KLF8: variants seen among roughly 807,000 people sequenced by gnomAD.
KLF8 encodes the protein KLF transcription factor 8.
A neutral mutation model predicts 18.2 loss-of-function variants in KLF8; 10 were observed. The ratio of observed to expected loss-of-function variants is 0.55; its 90% CI spans 0.34 to 0.93. The LOEUF (loss-of-function observed/expected upper bound fraction) is 0.93, where lower values mean the gene tolerates loss of function less well. KLF8 is among the 40% of genes least tolerant of loss of function. KLF8 has a pLI of 0.02. For synonymous variants in KLF8, 109 were observed against 97.3 expected (o/e 1.12, Z -0.71); for missense variants, 264 against 277.9 (o/e 0.95, Z 0.36).
chrX:56,261,467 G>T (rs2066882109), intron 2 of KLF8, among the ~76,000 whole-genome samples: 2 of 111,692 alleles, frequency 1.8e-5, no homozygotes, highest in African/African-American at 6.5e-5. Flanking sequence ...TACTTTAAAA[G>T]AAAAATCTGA....
the KLF8 span, among the ~76,000 whole-genome samples, chrX:56,114,809 A>G: frequency 8.9e-6 from 1 of 112,689 alleles, no homozygotes; most frequent in Non-Finnish European, 1.9e-5. Context: ...AAAAAGCATT[A>G]CAATTTTATA....
At chrX:56,017,923 A>C in the KLF8 span, among the ~76,000 whole-genome samples, 3 of 111,622 alleles carry the variant, frequency 2.7e-5, no homozygotes, top group Admixed American at 2.9e-4. Context: ...ATGGATACAT[A>C]GTAGTTGTAC....
chrX:56,059,715 A>G, the KLF8 span, among the ~76,000 whole-genome samples: 130 of 111,021 alleles, frequency 1.2e-3, no homozygotes, highest in Non-Finnish European at 2.0e-3. Flanking sequence ...TGGTCTATAT[A>G]TCTGTTTTGG....
chrX:56,223,558 A>G, the KLF8 span, among the ~76,000 whole-genome samples: 1 of 112,709 alleles, frequency 8.9e-6, no homozygotes, highest in Non-Finnish European at 1.9e-5. Flanking sequence ...GCAAATATTT[A>G]TTGAGCAACT....
the KLF8 span, among the ~76,000 whole-genome samples, chrX:56,171,203 C>G: frequency 1.8e-5 from 2 of 111,348 alleles, no homozygotes; most frequent in Non-Finnish European, 3.8e-5. Context: ...AAACTAATAA[C>G]TACAATAACT....
chrX:56,108,158 T>C, the KLF8 span, among the ~76,000 whole-genome samples: 1 of 111,803 alleles, frequency 8.9e-6, no homozygotes, highest in Non-Finnish European at 1.9e-5. Flanking sequence ...CAGATATAAA[T>C]AGTTTTACTT....
At chrX:56,078,096 G>C in the KLF8 span, among the ~76,000 whole-genome samples, 1 of 110,673 alleles carries the variant, frequency 9.0e-6, no homozygotes, top group Non-Finnish European at 1.9e-5. Context: ...AACATGGACT[G>C]TTTGACTTCC....
At chrX:56,170,902 G>A in the KLF8 span, among the ~76,000 whole-genome samples, 3 of 111,714 alleles carry the variant, frequency 2.7e-5, no homozygotes, top group Non-Finnish European at 5.6e-5. Flanking sequence ...ACTCTCAAAG[G>A]TCAGAGATGA....
the KLF8 span, among the ~76,000 whole-genome samples, chrX:56,180,439 CG>C: frequency 4.0e-4 from 44 of 110,600 alleles, no homozygotes; most frequent in Admixed American, 9.7e-4. Flanking sequence ...TTTTTTTCAG[CG>C]TTTTTTTGTG....
chrX:56,019,227 A>G, the KLF8 span, among the ~76,000 whole-genome samples: 2 of 112,404 alleles, frequency 1.8e-5, no homozygotes, highest in Non-Finnish European at 1.9e-5. Flanking sequence ...GGATTTCACA[A>G]ATATGACCAG....
At chrX:56,171,835 G>C in the KLF8 span, among the ~76,000 whole-genome samples, 1 of 111,705 alleles carries the variant, frequency 9.0e-6, no homozygotes, top group Non-Finnish European at 1.9e-5. Flanking sequence ...ATAAACATAC[G>C]TGTGCATGTG....
intron 5 of KLF8, among the ~76,000 whole-genome samples, chrX:56,272,679 A>G (rs1050824400): frequency 1.8e-5 from 2 of 111,337 alleles, no homozygotes; most frequent in Non-Finnish European, 3.8e-5. Flanking sequence ...GCTTTAGGAA[A>G]TAACGTGGCA....
At chrX:56,266,676 T>G in intron 3 of KLF8, 1 of 754,141 alleles carries the variant, frequency 1.3e-6, no homozygotes, top group Non-Finnish European at 1.6e-6. Context: ...TGTTTTAGTT[T>G]GTAATCAGGA....
At chrX:56,036,072 T>A in the KLF8 span, among the ~76,000 whole-genome samples, 1 of 111,960 alleles carries the variant, frequency 8.9e-6, no homozygotes, top group South Asian at 3.6e-4. Flanking sequence ...TACGGGCTTT[T>A]TAAATCTTAT....
the KLF8 span, among the ~76,000 whole-genome samples, chrX:56,064,368 A>G: frequency 9.1e-6 from 1 of 109,636 alleles, no homozygotes; most frequent in Non-Finnish European, 1.9e-5. Flanking sequence ...TTTCCATGGA[A>G]CATTTTATTT....
At chrX:56,107,161 G>T in the KLF8 span, among the ~76,000 whole-genome samples, 3 of 112,034 alleles carry the variant, frequency 2.7e-5, no homozygotes, top group African/African-American at 9.7e-5. Context: ...TCCCAGTTAG[G>T]CTACACAGGG....
chrX:56,251,564 G>A (rs1421770697), intron 2 of KLF8, among the ~76,000 whole-genome samples: 1 of 110,986 alleles, frequency 9.0e-6, no homozygotes, highest in Non-Finnish European at 1.9e-5. Flanking sequence ...CCAGGTTCAA[G>A]CTATTCTTCT....
chrX:56,016,008 GTAAC>G, the KLF8 span, among the ~76,000 whole-genome samples: 2 of 112,161 alleles, frequency 1.8e-5, no homozygotes, highest in Admixed American at 9.5e-5. Flanking sequence ...TGTGTACAAA[GTAAC>G]TAACAAACAA....
At chrX:56,034,139 C>A in the KLF8 span, among the ~76,000 whole-genome samples, 1 of 111,987 alleles carries the variant, frequency 8.9e-6, no homozygotes, top group African/African-American at 3.2e-5. Context: ...AGTATTTTTA[C>A]ATTTTCAGGT....
Sources: gnomAD v4.1 joint callset for allele counts (sites outside exome capture counted in the v4.1 genomes callset) on GRCh38, gnomAD v4.1.1 for gene constraint, MANE v1.5 for transcripts, NCBI Gene and HGNC (gene_info 2026-07-23, HGNC 2026-07-21) for gene names.